APC: variants seen among roughly 807,000 people sequenced by gnomAD.
APC encodes APC regulator of Wnt signaling pathway, also known as adenomatous polyposis coli protein.
APC carries 72 observed loss-of-function variants against 247.0 expected under a neutral mutation model. The ratio of observed to expected loss-of-function variants is 0.29; its 90% confidence interval spans 0.24 to 0.35. The LOEUF (loss-of-function observed/expected upper bound fraction) is 0.35. Among genes scored for constraint, APC ranks in the 10% least tolerant of loss-of-function variants. The probability of loss-of-function intolerance (pLI) is 1.00; values close to 1 mark genes in which losing one functional copy is unlikely to be tolerated. For missense variants in APC, 3,400 were observed against 3,360.7 expected, an observed-to-expected ratio of 1.01 and a Z score of -0.29; for synonymous variants, 1,254 against 1,162.5, an observed-to-expected ratio of 1.08 and a Z score of -1.60.
intron 5 of APC, 69 bp downstream of exon 5, chr5:112,775,806 C>G (rs922917029): frequency 7.0e-6 from 6 of 854,308 alleles, no homozygotes; most frequent in African/African-American, 6.8e-5. Flanking sequence ...CCTAGGTAAT[C>G]CATTAAAATT....
rs759718547 is a variant in APC at position 112,838,928 on chromosome 5, A to G, written c.3334A>G (p.Thr1112Ala). Reference sequence around the variant, plus strand: ...GTCACGGGGAGCCAATGGTTCAGAAACAAATCGAGTGGGTTCTAATCATGG... The same window carrying G: ...GTCACGGGGAGCCAATGGTTCAGAAGCAAATCGAGTGGGTTCTAATCATGG... ...YRSRGANGSE[T>A]NRVGSNHGIN... is the part of the protein sequence containing the mutation. The change falls in exon 16 of 16, where the codon ACA becomes GCA. Residue 1112 changes from threonine to alanine, a missense_variant. By Grantham distance (58) the Thr-to-Ala change is moderately conservative (BLOSUM62 0). Coordinates refer to ENST00000257430, the MANE Select transcript of APC (RefSeq NM_000038.6). 1.9e-6 allele frequency: 3 copies of G among 1,614,152 alleles called. No individual in the cohort carries two copies. In the South Asian group the frequency reaches 3.3e-5, roughly 18 times the overall value.
At chr5:112,804,613 C>T (rs1399475514) in intron 8 of APC, among the ~76,000 whole-genome samples, 3 of 152,172 alleles carry the variant, frequency 2.0e-5, no homozygotes, top group African/African-American at 7.2e-5. Context: ...CTCTTGACCT[C>T]GTGATCCTCC....
At position 112,833,015 on chromosome 5, in the gene APC, A is replaced by C. The variant is rs1580593227; in HGVS notation, c.1744-1936A>C. Among the ~76,000 whole-genome samples the C allele has an allele frequency of 6.3e-5, 8 of 127,068 alleles. No individual in the cohort carries two copies. In the South Asian group the frequency reaches 2.4e-3, roughly 37 times the overall value. 83.4% of individuals were successfully genotyped at this position (127,068 alleles called of 152,430 possible). A position where few individuals can be genotyped will look rare whatever the true frequency, so the allele number is the denominator to read the frequency against. ...ACAGATTGACATCACCATCATGCCA[A>C]GTTTTGGGTTTGGGTTTTTTTTTTT... On this transcript the variant is annotated intron_variant, in intron 14 of 15. Transcript: ENST00000257430.
At chr5:112,799,467 CTCT>C (rs985721134) in intron 7 of APC, among the ~76,000 whole-genome samples, 14 of 152,138 alleles carry the variant, frequency 9.2e-5, no homozygotes, top group African/African-American at 2.9e-4. Flanking sequence ...CTTCTTTTAT[CTCT>C]GTCACTGCTT....
chr5:112,732,199 A>G (rs562070930), intron 1 of APC, among the ~76,000 whole-genome samples: 5 of 152,362 alleles, frequency 3.3e-5, no homozygotes, highest in African/African-American at 9.6e-5. Flanking sequence ...CTGAGGCTGT[A>G]TAACACTCCA....
At chr5:112,729,894 C>A (rs1490945215) in intron 1 of APC, among the ~76,000 whole-genome samples, 1 of 152,172 alleles carries the variant, frequency 6.6e-6, no homozygotes, top group African/African-American at 2.4e-5. Flanking sequence ...ACAGAACTAA[C>A]TTAGGGTAGC....
intron 13 of APC, among the ~76,000 whole-genome samples, chr5:112,828,292 G>C (rs78476131): frequency 6.6e-6 from 1 of 152,084 alleles, no homozygotes; most frequent in African/African-American, 2.4e-5. Context: ...GATTACAGGC[G>C]TGTGCCACCA....
At chr5:112,768,234 T>G (rs2455295) in intron 4 of APC, among the ~76,000 whole-genome samples, 1 of 151,908 alleles carries the variant, frequency 6.6e-6, no homozygotes, top group East Asian at 1.9e-4. Flanking sequence ...GTAGAGACAG[T>G]GTTTCACCAT....
At chr5:112,761,251 G>A (rs546257714) in intron 2 of APC, among the ~76,000 whole-genome samples, 5 of 152,228 alleles carry the variant, frequency 3.3e-5, no homozygotes, top group Middle Eastern at 3.4e-3. Flanking sequence ...ACAGTCAAAC[G>A]TTATATGAAA....
At position 112,842,115 on chromosome 5, in the gene APC, G is replaced by T. The variant is rs778958516; in HGVS notation, c.6521G>T (p.Ser2174Ile). ...CGAATTCTAAAACCAGGGGAGAAAA[G>T]TACATTGGAAACTAAAAAGATAGAA... ...GPRILKPGEK[S>I]TLETKKIESE... is the part of the protein sequence containing the mutation. The change falls in exon 16 of 16, where the codon AGT becomes ATT. Residue 2174 changes from serine (S) to isoleucine (I), a missense_variant. Around this residue, in one of 9 missense-constraint regions of APC, gnomAD observed 1,788 missense variants for 1,649.5 expected, o/e 1.08. Transcript: ENST00000257430. 6.2e-7 allele frequency: 1 copy of T among 1,611,180 alleles called. No homozygotes were observed. Among genetic ancestry groups the T allele is most frequent in the South Asian group, 1.1e-5 (1 of 90,748 alleles).
intron 1 of APC, among the ~76,000 whole-genome samples, chr5:112,713,912 C>T (rs537309604): frequency 3.3e-5 from 5 of 152,328 alleles, no homozygotes; most frequent in Admixed American, 3.3e-4. Flanking sequence ...CCCACCTTGG[C>T]ATCCCAAAGT....
At chr5:112,753,328 T>C (rs1479655230) in intron 1 of APC, among the ~76,000 whole-genome samples, 3 of 152,194 alleles carry the variant, frequency 2.0e-5, no homozygotes, top group Non-Finnish European at 2.9e-5. Flanking sequence ...GTCTTAACTA[T>C]GGGTGAACCC....
intron 10 of APC, among the ~76,000 whole-genome samples, chr5:112,821,449 G>A (rs1303926193): frequency 6.6e-6 from 1 of 151,582 alleles, no homozygotes; most frequent in African/African-American, 2.4e-5. Flanking sequence ...CAAGGCTGCG[G>A]TGAAAGCTAT....
intron 11 of APC, among the ~76,000 whole-genome samples, chr5:112,823,106 A>G (rs1232029554): frequency 2.0e-5 from 3 of 152,204 alleles, no homozygotes; most frequent in Non-Finnish European, 2.9e-5. Context: ...GAACATTTTA[A>G]ATTTTTTAAA....
At chr5:112,729,666 G>A (rs1335552568) in intron 1 of APC, among the ~76,000 whole-genome samples, 1 of 152,218 alleles carries the variant, frequency 6.6e-6, no homozygotes, top group Non-Finnish European at 1.5e-5. Context: ...AAGGGCTCAT[G>A]TCATTACATT....
In APC at chr5:112,815,556, C is replaced by G. The variant is rs1485974418; in HGVS notation, c.896C>G (p.Ser299Cys). Reference protein sequence around the residue: ...ASVLSSSSTHSAPRRLTSHLG... With the variant: ...ASVLSSSSTHCAPRRLTSHLG... ...GTTTTGAGTTCTAGTAGCACACACTCTGCACCTCGAAGGCTGACAAGTCAT... is the reference window on the plus strand; with the variant it reads ...GTTTTGAGTTCTAGTAGCACACACTGTGCACCTCGAAGGCTGACAAGTCAT... Residue 299 changes from serine to cysteine, a missense_variant, in exon 9 of 16, where the codon TCT (serine) becomes TGT (cysteine). By Grantham distance (112) the Ser-to-Cys change is moderately radical. Coordinates refer to ENST00000257430, the MANE Select transcript of APC (RefSeq NM_000038.6). 6.2e-7 allele frequency: 1 copy of G among 1,612,252 alleles called. No homozygotes were observed. The highest frequency in any genetic ancestry group is 1.3e-5 in the African/African-American group (1 of 74,980).
chr5:112,767,573 A>T (rs1357638570), intron 4 of APC, among the ~76,000 whole-genome samples, 183 bp downstream of exon 4: 1 of 152,198 alleles, frequency 6.6e-6, no homozygotes, highest in African/African-American at 2.4e-5. Context: ...AATATAAACA[A>T]GGCCGTTTCC....
chr5:112,781,258 T>G (rs1393856462), intron 6 of APC, among the ~76,000 whole-genome samples: 1 of 152,182 alleles, frequency 6.6e-6, no homozygotes, highest in Non-Finnish European at 1.5e-5. Flanking sequence ...ATGTCACTGC[T>G]CTTCAAATTG....
At chr5:112,762,532 A>G (rs1231983137) in intron 2 of APC, among the ~76,000 whole-genome samples, 3 of 152,198 alleles carry the variant, frequency 2.0e-5, no homozygotes, top group Non-Finnish European at 2.9e-5. Context: ...ATGAACTGAT[A>G]AGGCAACAGC....
Sources: gnomAD v4.1 joint callset for allele counts (sites outside exome capture counted in the v4.1 genomes callset) on GRCh38, gnomAD v4.1.1 for gene constraint, gnomAD v4.1.1 regional missense constraint, MANE v1.5 for transcripts, NCBI Gene and HGNC (gene_info 2026-07-23, HGNC 2026-07-21) for gene names.